The following PCSK6 variants were observed in gnomAD, a reference collection of about 807,000 sequenced individuals.
The protein encoded by PCSK6 is proprotein convertase subtilisin/kexin type 6.
PCSK6 carries 85 observed loss-of-function variants against 123.3 expected under a neutral mutation model. The ratio of observed to expected loss-of-function variants is 0.69; its 90% CI spans 0.58 to 0.83. The LOEUF (loss-of-function observed/expected upper bound fraction) is 0.83, where lower values mean the gene tolerates loss of function less well. PCSK6 is among the 40% of genes least tolerant of loss of function. The probability of loss-of-function intolerance (pLI) is 0.00; values close to 1 mark genes in which losing one functional copy is unlikely to be tolerated. For synonymous variants in PCSK6, 508 were observed against 516.0 expected, an observed-to-expected ratio of 0.98 and a Z score of 0.21; for missense variants, 1,191 against 1,282.3, an observed-to-expected ratio of 0.93 and a Z score of 1.09.
chr15:101,415,602 G>T (rs2055860481), intron 6 of PCSK6, among the ~76,000 whole-genome samples: 1 of 152,148 alleles, frequency 6.6e-6, no homozygotes, highest in Non-Finnish European at 1.5e-5. Flanking sequence ...AATGAGCATA[G>T]AATAAAAATA....
intron 13 of PCSK6, among the ~76,000 whole-genome samples, chr15:101,355,971 C>T (rs1443803026): frequency 6.6e-6 from 1 of 152,134 alleles, no homozygotes; most frequent in Non-Finnish European, 1.5e-5. Context: ...GGAGAGGAGA[C>T]CCAGCGCAGA....
chr15:101,313,110 A>C, intron 20 of PCSK6: 2 of 1,414,624 alleles, frequency 1.4e-6, no homozygotes, highest in Non-Finnish European at 9.4e-7. Flanking sequence ...GTAGTCCACC[A>C]ATGGGGTGTG....
At chr15:101,465,505 C>A (rs534771253) in intron 1 of PCSK6, among the ~76,000 whole-genome samples, 1 of 152,198 alleles carries the variant, frequency 6.6e-6, no homozygotes, top group African/African-American at 2.4e-5. Flanking sequence ...AGGCTCCACT[C>A]TGGCTCTGAG....
intron 1 of PCSK6, among the ~76,000 whole-genome samples, chr15:101,476,562 TA>T (rs72127421): frequency 0.34 from 48,553 of 142,074 alleles, 8,684 homozygotes; most frequent in East Asian, 0.73. Context: ...CCATTTATAT[TA>T]AAAAAAAAAA....
chr15:101,315,656 G>A (rs575053048), intron 19 of PCSK6, among the ~76,000 whole-genome samples: 5 of 152,250 alleles, frequency 3.3e-5, no homozygotes, highest in Non-Finnish European at 4.4e-5. Flanking sequence ...AAGTAGTGCC[G>A]TCTCAGGCAC....
intron 2 of PCSK6, among the ~76,000 whole-genome samples, chr15:101,433,277 T>G (rs1319145608): frequency 6.6e-6 from 1 of 152,230 alleles, no homozygotes; most frequent in Non-Finnish European, 1.5e-5. Context: ...CTCAGACCAG[T>G]GCCTGGAGCA....
chr15:101,303,968 A>G lies in PCSK6; in HGVS notation c.*1290T>C, dbSNP rs2039670055. On this transcript the variant is annotated 3_prime_UTR_variant, in exon 22 of 22. Coordinates refer to ENST00000611716, the MANE Select transcript of PCSK6 (RefSeq NM_002570.5). Reference sequence around the variant, plus strand: ...ACTCTTTTATTAATTTAGGGTTAACATTGTACTTGCTTCATTGATTTCTCT... The same window carrying G: ...ACTCTTTTATTAATTTAGGGTTAACGTTGTACTTGCTTCATTGATTTCTCT... 6.6e-6 allele frequency: 1 copy of G among 152,632 alleles called. No homozygotes were observed. Among genetic ancestry groups the G allele is most frequent in the Non-Finnish European group, 1.5e-5 (1 of 68,038 alleles). 9.5% of individuals were successfully genotyped at this position (152,632 alleles called of 1,614,324 possible).
chr15:101,363,859 C>T lies in PCSK6; in HGVS notation c.1858+2337G>A, dbSNP rs548487802. ...TTCACCGTGTTAGCCAGGATGGTCTCGATCTCCTGACTTCGTGATCCACCC... is the reference window on the plus strand; with the variant it reads ...TTCACCGTGTTAGCCAGGATGGTCTTGATCTCCTGACTTCGTGATCCACCC... On this transcript the variant is annotated intron_variant, in intron 13 of 21. Transcript: ENST00000611716. 8.6e-5 allele frequency among the ~76,000 whole-genome samples: 13 copies of T among 151,336 alleles called. No individual in the cohort carries two copies. The East Asian group carries it at 2.1e-3, about 25-fold the overall frequency.
At chr15:101,400,357 G>C (rs61360191) in intron 6 of PCSK6, among the ~76,000 whole-genome samples, 17,058 of 152,228 alleles carry the variant, frequency 0.11, 1,166 homozygotes, top group East Asian at 0.21. Flanking sequence ...CCTGGCCCAG[G>C]CAGCTTCCTT....
intron 12 of PCSK6, among the ~76,000 whole-genome samples, chr15:101,369,387 T>C (rs889695955): frequency 6.6e-6 from 1 of 152,216 alleles, no homozygotes; most frequent in African/African-American, 2.4e-5. Context: ...TGCAGCTCCC[T>C]ATAGCCTACA....
At chr15:101,381,107 A>T (rs371918756) in intron 11 of PCSK6, among the ~76,000 whole-genome samples, 2 of 151,868 alleles carry the variant, frequency 1.3e-5, no homozygotes, top group African/African-American at 4.8e-5. Context: ...CACATCTGTA[A>T]TCCAAGCACT....
At chr15:101,347,117 C>T (rs1175887542) in intron 13 of PCSK6, 18 of 1,231,644 alleles carry the variant, frequency 1.5e-5, no homozygotes, top group Non-Finnish European at 1.7e-5. Context: ...GAGTGATACT[C>T]TATAATTGCA....
chr15:101,489,140 C>A (rs1198406573), intron 1 of PCSK6, among the ~76,000 whole-genome samples: 2 of 143,924 alleles, frequency 1.4e-5, no homozygotes, highest in Non-Finnish European at 3.1e-5. Context: ...CCTGCGTGGG[C>A]GCCCACGCGG....
intron 2 of PCSK6, among the ~76,000 whole-genome samples, chr15:101,440,214 C>T (rs1400248778): frequency 1.3e-5 from 2 of 152,340 alleles, no homozygotes; most frequent in East Asian, 1.9e-4. Flanking sequence ...CTGCACACTG[C>T]GAACACTTGG....
intron 6 of PCSK6, among the ~76,000 whole-genome samples, chr15:101,422,436 T>C (rs2056110906): frequency 6.6e-6 from 1 of 152,106 alleles, no homozygotes. Context: ...AAGTTAGAGG[T>C]CTGGGTTTAA....
At chr15:101,313,592 G>A (rs905170127) in intron 19 of PCSK6, 87 bp from the exon 20 acceptor site, 1 of 1,512,412 alleles carries the variant, frequency 6.6e-7, no homozygotes, top group Non-Finnish European at 8.8e-7. Flanking sequence ...TGTGAGATCA[G>A]GGGTACCATT....
At chr15:101,458,183 G>A (rs1322967389) in intron 1 of PCSK6, among the ~76,000 whole-genome samples, 3 of 152,180 alleles carry the variant, frequency 2.0e-5, no homozygotes, top group Non-Finnish European at 2.9e-5. Flanking sequence ...ACTGCCATGT[G>A]CACTATCTCA....
At chr15:101,347,626 C>T (rs1191544471) in intron 13 of PCSK6, 21 of 1,554,788 alleles carry the variant, frequency 1.4e-5, no homozygotes, top group East Asian at 2.3e-5. Flanking sequence ...CCTCTGGGGG[C>T]GGGAGCTGAG....
chr15:101,329,799 T>A (rs1026253535), intron 15 of PCSK6, among the ~76,000 whole-genome samples: 2 of 152,236 alleles, frequency 1.3e-5, no homozygotes, highest in African/African-American at 4.8e-5. Flanking sequence ...GGCTTCCCTG[T>A]GTTTCCATGC....
Sources: gnomAD v4.1 joint callset for allele counts (sites outside exome capture counted in the v4.1 genomes callset) on GRCh38, gnomAD v4.1.1 for gene constraint, MANE v1.5 for transcripts, NCBI Gene and HGNC (gene_info 2026-07-23, HGNC 2026-07-21) for gene names.